The following PDE3B variants were observed in gnomAD, a reference collection of about 807,000 sequenced individuals.
The protein encoded by PDE3B is phosphodiesterase 3B.
Under a neutral mutation model 116.8 loss-of-function variants are expected in PDE3B, and 66 were observed. The observed-to-expected ratio is 0.56, with a 90% CI of 0.46 to 0.69. PDE3B has a LOEUF of 0.69. PDE3B is among the 30% of genes least tolerant of loss of function. The pLI is 0.00. For missense variants in PDE3B, 1,384 were observed against 1,368.1 expected (o/e 1.01, Z -0.18); for synonymous variants, 595 against 533.6 (o/e 1.12, Z -1.59).
At chr11:14,878,333 C>G in the PDE3B span, 54 of 1,597,916 alleles carry the variant, frequency 3.4e-5, no homozygotes, top group Non-Finnish European at 4.5e-5. Context: ...ATTTTTTAAA[C>G]CCACAATCTT....
the PDE3B span, among the ~76,000 whole-genome samples, chr11:14,889,529 C>T: frequency 2.6e-5 from 4 of 152,092 alleles, no homozygotes; most frequent in Non-Finnish European, 4.4e-5. Context: ...ATTTTTGCTC[C>T]TTTCAGTTTT....
chr11:14,735,467 A>G (rs1298208125), intron 1 of PDE3B, among the ~76,000 whole-genome samples: 1 of 152,206 alleles, frequency 6.6e-6, no homozygotes, highest in East Asian at 1.9e-4. Flanking sequence ...GAATATTACA[A>G]TTTCTGGTGA....
At chr11:14,691,318 G>T (rs1855035972) in intron 1 of PDE3B, among the ~76,000 whole-genome samples, 1 of 152,122 alleles carries the variant, frequency 6.6e-6, no homozygotes, top group Non-Finnish European at 1.5e-5. Context: ...AATGTTTCAT[G>T]ACATAGTTGG....
At chr11:14,799,696 C>T (rs755568288) in intron 4 of PDE3B, among the ~76,000 whole-genome samples, 13 of 148,792 alleles carry the variant, frequency 8.7e-5, no homozygotes, top group Non-Finnish European at 1.5e-4. Flanking sequence ...CCTTCTTTGT[C>T]TCTTTTAATC....
At chr11:14,672,333 A>C (rs1477624580) in intron 1 of PDE3B, among the ~76,000 whole-genome samples, 1 of 152,056 alleles carries the variant, frequency 6.6e-6, no homozygotes, top group African/African-American at 2.4e-5. Flanking sequence ...ACGTAAGTGC[A>C]ATAAGGTAAG....
In PDE3B at chr11:14,783,949, G is replaced by T. The variant is rs1858114585; in HGVS notation, c.1030-2488G>T. Among the ~76,000 whole-genome samples, 5 of 152,268 alleles carry T rather than the reference G, an allele frequency of 3.3e-5. No individual in the cohort carries two copies. In the South Asian group the frequency reaches 1.0e-3, roughly 32 times the overall value. ...CCGGAGATGAGCAGTGGGCAGATGA[G>T]CATTACCACCTGAGCTCTGCCTCTT... On this transcript the variant is annotated intron_variant, in intron 2 of 15. Transcript: ENST00000282096.
the PDE3B span, chr11:14,885,759 G>A: frequency 6.2e-7 from 1 of 1,610,528 alleles, no homozygotes; most frequent in Non-Finnish European, 8.5e-7. Flanking sequence ...TCACTAAATA[G>A]GTGCAAATAA....
intron 2 of PDE3B, chr11:14,774,728 A>G (rs1160424961): frequency 4.6e-5 from 7 of 152,236 alleles, no homozygotes; most frequent in Admixed American, 1.3e-4. Context: ...TGAATATTCA[A>G]TTTGATCTGC....
intron 1 of PDE3B, among the ~76,000 whole-genome samples, chr11:14,718,627 C>T (rs1444951995): frequency 4.0e-5 from 6 of 150,444 alleles, no homozygotes; most frequent in African/African-American, 1.5e-4. Flanking sequence ...TCACTCAAAA[C>T]CGCTCAACTA....
At position 14,826,807 on chromosome 11, in the gene PDE3B, C is replaced by G. The variant is rs372060898; in HGVS notation, c.1808-3891C>G. ...AAATGAGGAGGAAGGACTCCTCCCCCAACCCATACTATGAGGCCAGCATCA... is the reference window on the plus strand; with the variant it reads ...AAATGAGGAGGAAGGACTCCTCCCCGAACCCATACTATGAGGCCAGCATCA... On this transcript the variant is annotated intron_variant, in intron 7 of 15. Coordinates refer to ENST00000282096, the MANE Select transcript of PDE3B (RefSeq NM_000922.4). 2.8e-5 allele frequency among the ~76,000 whole-genome samples: 4 copies of G among 144,560 alleles called. No individual in the cohort carries two copies. The Admixed American group carries it at 2.8e-4, about 10-fold the overall frequency. 94.8% of individuals were successfully genotyped at this position (144,560 alleles called of 152,430 possible).
At chr11:14,755,600 A>G (rs960383491) in intron 1 of PDE3B, among the ~76,000 whole-genome samples, 2 of 152,226 alleles carry the variant, frequency 1.3e-5, no homozygotes, top group Non-Finnish European at 2.9e-5. Flanking sequence ...ATAAACGTTG[A>G]TTTTGATGAT....
At chr11:14,846,581 T>G (rs1161159910) in intron 12 of PDE3B, among the ~76,000 whole-genome samples, 2 of 152,144 alleles carry the variant, frequency 1.3e-5, no homozygotes, top group Non-Finnish European at 2.9e-5. Context: ...CAGTGTGCTG[T>G]ATTCAGGAAA....
chr11:14,826,625 A>G (rs1054776881), intron 7 of PDE3B, among the ~76,000 whole-genome samples: 2 of 152,192 alleles, frequency 1.3e-5, no homozygotes, highest in Admixed American at 6.5e-5. Flanking sequence ...TCTGTAATAA[A>G]TAGCCCACCA....
intron 5 of PDE3B, among the ~76,000 whole-genome samples, chr11:14,808,614 G>C (rs1330694282): frequency 6.6e-6 from 1 of 152,166 alleles, no homozygotes; most frequent in Non-Finnish European, 1.5e-5. Context: ...ATTTGCAGAT[G>C]GCATGAGCTT....
At chr11:14,688,440 T>C (rs771839783) in intron 1 of PDE3B, among the ~76,000 whole-genome samples, 3 of 152,110 alleles carry the variant, frequency 2.0e-5, no homozygotes, top group Non-Finnish European at 4.4e-5. Flanking sequence ...CCTATTTGCT[T>C]GGGAACTCTT....
the PDE3B span, among the ~76,000 whole-genome samples, chr11:14,888,376 A>T: frequency 6.6e-6 from 1 of 152,206 alleles, no homozygotes; most frequent in Non-Finnish European, 1.5e-5. Context: ...ATACATTTAA[A>T]CATATTATTA....
At chr11:14,692,980 T>C (rs767621241) in intron 1 of PDE3B, among the ~76,000 whole-genome samples, 3 of 152,178 alleles carry the variant, frequency 2.0e-5, no homozygotes, top group Non-Finnish European at 4.4e-5. Context: ...GAAAAGTTCT[T>C]GAAGGAAATT....
chr11:14,797,220 A>G (rs548528579), intron 4 of PDE3B, among the ~76,000 whole-genome samples: 3 of 152,204 alleles, frequency 2.0e-5, no homozygotes, highest in East Asian at 1.9e-4. Flanking sequence ...CTATTGGTCT[A>G]TATATCGGTT....
intron 1 of PDE3B, among the ~76,000 whole-genome samples, chr11:14,737,078 G>C (rs1856619583): frequency 6.6e-6 from 1 of 152,034 alleles, no homozygotes. Flanking sequence ...CTATTACATA[G>C]GCTCGTAATA....
Sources: gnomAD v4.1 joint callset for allele counts (sites outside exome capture counted in the v4.1 genomes callset) on GRCh38, gnomAD v4.1.1 for gene constraint, MANE v1.5 for transcripts, NCBI Gene and HGNC (gene_info 2026-07-23, HGNC 2026-07-21) for gene names.